The following SLC26A2 variants were observed in gnomAD, a reference collection of about 807,000 sequenced individuals.
SLC26A2 encodes the protein solute carrier family 26 member 2, also known as sulfate transporter.
SLC26A2 carries 36 observed loss-of-function variants against 41.1 expected under a neutral mutation model. The ratio of observed to expected loss-of-function variants is 0.88; its 90% CI spans 0.67 to 1.16. SLC26A2 has a LOEUF of 1.16. Among genes scored for constraint, SLC26A2 ranks in the 50% most tolerant of loss-of-function variants. The pLI, the probability that SLC26A2 is intolerant of heterozygous loss-of-function variation, is 0.00. For synonymous variants in SLC26A2, 291 were observed against 311.6 expected (o/e 0.93, Z 0.70); for missense variants, 796 against 869.6 (o/e 0.92, Z 1.07).
rs1755156852 is a variant in SLC26A2, at chr5:149,984,297, G to A, written c.*2484G>A. 6.6e-6 allele frequency: 1 copy of A among 152,188 alleles called. No individual in the cohort carries two copies. 9.4% of individuals were successfully genotyped at this position (152,188 alleles called of 1,614,324 possible). A position where few individuals can be genotyped will look rare whatever the true frequency, so the allele number is the denominator to read the frequency against. On this transcript the variant is annotated 3_prime_UTR_variant, in exon 3 of 3. Transcript: ENST00000286298. ...TTGAGGTTGCCTATACTTGCATATT[G>A]TTAAAATGTTTTGGTTGCTGATATT...
At chr5:149,966,265 C>T (rs1346420730) in intron 1 of SLC26A2, among the ~76,000 whole-genome samples, 2 of 152,146 alleles carry the variant, frequency 1.3e-5, no homozygotes, top group African/African-American at 4.8e-5. Flanking sequence ...CTGTCTAGCT[C>T]TAAAGTCCTG....
In SLC26A2 at chr5:149,983,535, C is replaced by G. The variant is rs2113701166; in HGVS notation, c.*1722C>G. 1 of 152,268 alleles carries G rather than the reference C, an allele frequency of 6.6e-6. No individual in the cohort carries two copies. The allele number at this position is 152,268 out of a possible 1,614,324, so 9.4% of individuals were successfully genotyped here. ...TTTAGCCAGTATTTGCCCTTTCTAT[C>G]CAGCCTTATGAATAATAGCAGTAAA... On this transcript the variant is annotated 3_prime_UTR_variant, in exon 3 of 3. Coordinates refer to ENST00000286298, the MANE Select transcript of SLC26A2 (RefSeq NM_000112.4).
intron 1 of SLC26A2, among the ~76,000 whole-genome samples, chr5:149,972,135 A>G (rs1026388581): frequency 6.6e-6 from 1 of 152,218 alleles, no homozygotes; most frequent in African/African-American, 2.4e-5. Context: ...CCCAGGTTAG[A>G]TATGTTCCTC....
chr5:149,977,950 C>T lies in SLC26A2; in HGVS notation c.298C>T (p.Pro100Ser), dbSNP rs775850228. ...LGFLPVLQWL[P>S]KYDLKKNILG... ...TTTCCTTCCTGTTTTGCAGTGGCTCCCAAAATACGACCTAAAGAAAAACAT... is the reference window on the plus strand; with the variant it reads ...TTTCCTTCCTGTTTTGCAGTGGCTCTCAAAATACGACCTAAAGAAAAACAT... Residue 100 changes from proline to serine, a missense_variant, in exon 2 of 3, where the codon CCA becomes TCA. Physicochemically the swap from Pro to Ser is moderately conservative, Grantham distance 74. Coordinates refer to ENST00000286298, the MANE Select transcript of SLC26A2 (RefSeq NM_000112.4). 1 of 1,614,144 alleles carries T rather than the reference C, an allele frequency of 6.2e-7. No homozygotes were observed. The highest frequency in any genetic ancestry group is 1.1e-5 in the South Asian group (1 of 91,070).
At position 149,982,018 on chromosome 5, in the gene SLC26A2, G is replaced by A. The variant is rs115383424; in HGVS notation, c.*205G>A. Reference sequence around the variant, plus strand: ...GACAGAGTCAAAAAGAAGAAAATACGGTTTCAGGCTTTCTTGCAGATATGA... The same window carrying A: ...GACAGAGTCAAAAAGAAGAAAATACAGTTTCAGGCTTTCTTGCAGATATGA... On this transcript the variant is annotated 3_prime_UTR_variant, in exon 3 of 3. Coordinates refer to ENST00000286298, the MANE Select transcript of SLC26A2 (RefSeq NM_000112.4). The A allele has an allele frequency of 9.0e-4, 517 of 572,902 alleles. 2 individuals carry two copies. Among genetic ancestry groups the A allele is most frequent in the African/African-American group, 8.8e-3 (471 of 53,438 alleles). 35.5% of individuals were successfully genotyped at this position (572,902 alleles called of 1,614,324 possible).
chr5:149,964,157 T>C (rs747754295), intron 1 of SLC26A2, among the ~76,000 whole-genome samples: 17 of 152,154 alleles, frequency 1.1e-4, no homozygotes, highest in Non-Finnish European at 2.4e-4. Flanking sequence ...ATCTTGCTAA[T>C]GAATGCTTCT....
At position 149,981,143 on chromosome 5, in the gene SLC26A2, T is replaced by G; in HGVS notation, c.1550T>G (p.Val517Gly). ...AGAATGGATACAGTTATCTGGTTTGTTACTATGCTGTCCTCTGCACTGCTA... is the reference window on the plus strand; with the variant it reads ...AGAATGGATACAGTTATCTGGTTTGGTACTATGCTGTCCTCTGCACTGCTA... ...ISRMDTVIWF[V>G]TMLSSALLST... The change falls in exon 3 of 3, where the codon GTT (valine) becomes GGT (glycine). Residue 517 changes from valine to glycine, a missense_variant. Transcript: ENST00000286298. 6.2e-7 allele frequency: 1 copy of G among 1,614,208 alleles called. No homozygotes were observed. The highest frequency in any genetic ancestry group is 8.5e-7 in the Non-Finnish European group (1 of 1,180,000).
In SLC26A2 at chr5:149,987,030, A is replaced by C. The variant is rs1456875129; in HGVS notation, c.*5217A>C. The stretch of plus-strand genomic sequence containing the variant: ...GGAACTTTGTACACAAACCAAGACA[A>C]TATCAGGGTGACAGGTGAATGAACT... On this transcript the variant is annotated 3_prime_UTR_variant, in exon 3 of 3. Transcript: ENST00000286298. 1 of 152,256 alleles carries C rather than the reference A, an allele frequency of 6.6e-6. No individual in the cohort carries two copies. The highest frequency in any genetic ancestry group is 1.5e-5 in the Non-Finnish European group (1 of 68,038). 9.4% of individuals were successfully genotyped at this position (152,256 alleles called of 1,614,324 possible).
intron 1 of SLC26A2, among the ~76,000 whole-genome samples, chr5:149,967,977 CTT>C (rs766792282): frequency 2.6e-4 from 36 of 140,872 alleles, no homozygotes; most frequent in Non-Finnish European, 3.0e-4. Context: ...CTTTTGTGTC[CTT>C]TTTTTTTTTT....
intron 1 of SLC26A2, among the ~76,000 whole-genome samples, chr5:149,961,542 C>T (rs1024456662): frequency 6.6e-6 from 1 of 152,168 alleles, no homozygotes; most frequent in East Asian, 1.9e-4. Context: ...CCTAAAAATA[C>T]ACAGCAAGTC....
At chr5:149,972,665 T>C (rs994759604) in intron 1 of SLC26A2, among the ~76,000 whole-genome samples, 1 of 152,206 alleles carries the variant, frequency 6.6e-6, no homozygotes, top group African/African-American at 2.4e-5. Flanking sequence ...TTTTAACCTA[T>C]GTATGTCTTT....
At chr5:149,963,215 T>C (rs1462888196) in intron 1 of SLC26A2, among the ~76,000 whole-genome samples, 1 of 152,164 alleles carries the variant, frequency 6.6e-6, no homozygotes, top group Admixed American at 6.5e-5. Context: ...GTTCAAGTGA[T>C]TCTCCTTTGT....
chr5:149,967,790 C>A (rs574828208), intron 1 of SLC26A2, among the ~76,000 whole-genome samples: 1 of 151,962 alleles, frequency 6.6e-6, no homozygotes, highest in South Asian at 2.1e-4. Flanking sequence ...TATTCTGTCA[C>A]CTGGGCTAGA....
At chr5:149,971,163 A>G (rs1287344393) in intron 1 of SLC26A2, among the ~76,000 whole-genome samples, 1 of 152,148 alleles carries the variant, frequency 6.6e-6, no homozygotes. Flanking sequence ...TCACAGTATT[A>G]ACTTCTCAGT....
Position 149,980,814 on chromosome 5 carries a change from A to G in SLC26A2, c.1221A>G (p.Lys407=), listed in dbSNP as rs749425608. Residue 407 remains lysine, a synonymous_variant, in exon 3 of 3, where the codon AAA becomes AAG. Coordinates refer to ENST00000286298, the MANE Select transcript of SLC26A2 (RefSeq NM_000112.4). ...TVSLSEMFAK[K]HGYTVKANQE... ...CACTTTCTGAGATGTTTGCCAAGAA[A>G]CATGGTTACACAGTCAAAGCAAACC... 1 of 1,614,116 alleles carries G rather than the reference A, an allele frequency of 6.2e-7. No individual in the cohort carries two copies. The highest frequency in any genetic ancestry group is 8.5e-7 in the Non-Finnish European group (1 of 1,180,008).
At chr5:149,967,794 G>A (rs560264578) in intron 1 of SLC26A2, among the ~76,000 whole-genome samples, 26 of 151,470 alleles carry the variant, frequency 1.7e-4, no homozygotes, top group Non-Finnish European at 2.9e-4. Flanking sequence ...CTGTCACCTG[G>A]GCTAGAGTGC....
rs1755114715 is a variant in SLC26A2 at position 149,981,937 on chromosome 5, C to T, written c.*124C>T. On this transcript the variant is annotated 3_prime_UTR_variant, in exon 3 of 3. Transcript: ENST00000286298. The stretch of plus-strand genomic sequence containing the variant: ...TTTAACCAAGTGGCTAGATATTATT[C>T]CTCCTTTGAAGCTAATGGCATTTGT... The T allele has an allele frequency of 1.5e-6, 1 of 679,926 alleles. No individual in the cohort carries two copies. The highest frequency in any genetic ancestry group is 1.8e-5 in the African/African-American group (1 of 55,326). The allele number at this position is 679,926 out of a possible 1,614,324, so 42.1% of individuals were successfully genotyped here.
chr5:149,979,915 C>T (rs569490503), intron 2 of SLC26A2, among the ~76,000 whole-genome samples: 1 of 151,412 alleles, frequency 6.6e-6, no homozygotes, highest in South Asian at 2.1e-4. Context: ...TAATTTTTTC[C>T]AATTTGAAGT....
intron 1 of SLC26A2, among the ~76,000 whole-genome samples, chr5:149,963,211 G>C (rs1010002054): frequency 2.0e-4 from 30 of 152,086 alleles, no homozygotes; most frequent in African/African-American, 5.6e-4. Flanking sequence ...CTGGGTTCAA[G>C]TGATTCTCCT....
Sources: gnomAD v4.1 joint callset for allele counts (sites outside exome capture counted in the v4.1 genomes callset) on GRCh38, gnomAD v4.1.1 for gene constraint, MANE v1.5 for transcripts, NCBI Gene and HGNC (gene_info 2026-07-23, HGNC 2026-07-21) for gene names.